UBE2W: variants seen among roughly 807,000 people sequenced by gnomAD.
The protein encoded by UBE2W is ubiquitin-conjugating enzyme E2 W.
In UBE2W, 18 loss-of-function variants were observed where a neutral mutation model predicts 27.2. That is an observed-to-expected ratio of 0.66 (90% confidence interval 0.46 to 0.98). The LOEUF (loss-of-function observed/expected upper bound fraction) is 0.98, where lower values mean the gene tolerates loss of function less well. UBE2W is among the 50% of genes least tolerant of loss of function. UBE2W has a pLI of 0.00. For synonymous variants in UBE2W, 53 were observed against 57.2 expected (o/e 0.93, Z 0.33); for missense variants, 90 against 180.2 (o/e 0.50, Z 2.87).
downstream of UBE2W, among the ~76,000 whole-genome samples, chr8:73,781,970 C>G (rs1807855279): frequency 7.2e-6 from 1 of 138,068 alleles, no homozygotes; most frequent in Non-Finnish European, 1.5e-5. Flanking sequence ...GAGACAGAGT[C>G]TCGCTCTGTC....
intron 1 of UBE2W, among the ~76,000 whole-genome samples, chr8:73,877,057 C>G (rs1398864402): frequency 6.6e-6 from 1 of 152,214 alleles, no homozygotes. Context: ...GATACTAAAT[C>G]TAACGAGATG....
chr8:73,789,113 G>C lies in UBE2W; in HGVS notation c.*4989C>G. 7.1e-6 allele frequency: 7 copies of C among 985,050 alleles called. No individual in the cohort carries two copies. Among genetic ancestry groups the C allele is most frequent in the Non-Finnish European group, 8.4e-6 (7 of 829,866 alleles). The allele number at this position is 985,050 out of a possible 1,614,324, so 61.0% of individuals were successfully genotyped here. On this transcript the variant is annotated 3_prime_UTR_variant, in exon 6 of 6. Transcript: ENST00000602593. ...TTCAACTTTCAGGATAGAGAGCTAA[G>C]TTTCAAGTACATGTCTAGATTCTAT... is the stretch of plus-strand genomic sequence containing the variant.
chr8:73,790,024 A>G lies in UBE2W; in HGVS notation c.*4078T>C, dbSNP rs1808126829. On this transcript the variant is annotated 3_prime_UTR_variant, in exon 6 of 6. Transcript: ENST00000602593. Reference sequence around the variant, plus strand: ...ACTAATTACAGCTAACAGCTCATTTACCAAGTAGTCAATTATTCAACAAAT... The same window carrying G: ...ACTAATTACAGCTAACAGCTCATTTGCCAAGTAGTCAATTATTCAACAAAT... The G allele has an allele frequency of 4.1e-6, 4 of 985,238 alleles. No homozygotes were observed. The African/African-American group carries it at 5.2e-5, about 13-fold the overall frequency. 61.0% of individuals were successfully genotyped at this position (985,238 alleles called of 1,614,324 possible). A position where few individuals can be genotyped will look rare whatever the true frequency, so the allele number is the denominator to read the frequency against.
intron 1 of UBE2W, among the ~76,000 whole-genome samples, chr8:73,856,602 G>A (rs549097613): frequency 9.2e-4 from 140 of 151,960 alleles, no homozygotes; most frequent in African/African-American, 3.2e-3. Context: ...TGATCTGCCC[G>A]CCCTGGCCTC....
At chr8:73,839,650 C>T (rs1376634754) in intron 1 of UBE2W, among the ~76,000 whole-genome samples, 1 of 150,792 alleles carries the variant, frequency 6.6e-6, no homozygotes, top group African/African-American at 2.5e-5. Flanking sequence ...GCACAAGACT[C>T]CATCTCAAAA....
chr8:73,861,620 T>C (rs1255872569), intron 1 of UBE2W, among the ~76,000 whole-genome samples: 1 of 152,190 alleles, frequency 6.6e-6, no homozygotes, highest in Non-Finnish European at 1.5e-5. Context: ...GATTACGTTT[T>C]AAATGAGATT....
At chr8:73,868,704 G>GAA (rs79830383) in intron 1 of UBE2W, among the ~76,000 whole-genome samples, 209 of 130,394 alleles carry the variant, frequency 1.6e-3, no homozygotes, top group African/African-American at 4.8e-3. Flanking sequence ...TGCTTGGTGT[G>GAA]AAAAAAAAAA....
chr8:73,854,132 G>C (rs1811190484), intron 1 of UBE2W, among the ~76,000 whole-genome samples: 4 of 152,072 alleles, frequency 2.6e-5, no homozygotes, highest in Admixed American at 2.6e-4. Context: ...ATGGGTGACA[G>C]CATGAAACTC....
chr8:73,872,670 A>G (rs977702517), intron 1 of UBE2W, among the ~76,000 whole-genome samples: 3 of 152,240 alleles, frequency 2.0e-5, no homozygotes, highest in African/African-American at 7.2e-5. Flanking sequence ...GTTTGGCATC[A>G]CAGAGAAATC....
At chr8:73,864,740 C>A (rs1811673570) in intron 1 of UBE2W, among the ~76,000 whole-genome samples, 1 of 55,430 alleles carries the variant, frequency 1.8e-5, no homozygotes, top group East Asian at 4.9e-4. Flanking sequence ...CCATGTCCAG[C>A]AAATTTTTTT....
chr8:73,839,347 T>A (rs1287930092), intron 1 of UBE2W, among the ~76,000 whole-genome samples: 1 of 131,710 alleles, frequency 7.6e-6, no homozygotes, highest in Non-Finnish European at 1.6e-5. Flanking sequence ...TGCTCCTAGT[T>A]AAAAAAAAAA....
chr8:73,844,818 G>A (rs1196063276), intron 1 of UBE2W, among the ~76,000 whole-genome samples: 1 of 150,050 alleles, frequency 6.7e-6, no homozygotes, highest in Non-Finnish European at 1.5e-5. Context: ...GGGAACTGAG[G>A]AGTGTCTCTG....
chr8:73,842,214 A>G (rs1003014471), intron 1 of UBE2W, among the ~76,000 whole-genome samples: 1 of 152,144 alleles, frequency 6.6e-6, no homozygotes, highest in African/African-American at 2.4e-5. Context: ...AGCATAGCAA[A>G]CTAAGACTAT....
At chr8:73,782,171 T>A (rs1315332765), downstream of UBE2W, among the ~76,000 whole-genome samples, 1 of 151,978 alleles carries the variant, frequency 6.6e-6, no homozygotes, top group African/African-American at 2.4e-5. Context: ...ATGGTCTCGA[T>A]CTCTTGACCT....
chr8:73,795,451 A>G (rs1808374201), intron 5 of UBE2W, among the ~76,000 whole-genome samples: 1 of 152,232 alleles, frequency 6.6e-6, no homozygotes, highest in Admixed American at 6.5e-5. Context: ...AGGCCTCACC[A>G]GAAGCAAATG....
intron 1 of UBE2W, among the ~76,000 whole-genome samples, chr8:73,849,340 C>T (rs1179322689): frequency 1.3e-5 from 2 of 151,494 alleles, no homozygotes; most frequent in Non-Finnish European, 2.9e-5. Context: ...TGTAAAACCC[C>T]GTCTCTACTA....
At chr8:73,784,449 G>C (rs1807899453), downstream of UBE2W, among the ~76,000 whole-genome samples, 1 of 152,160 alleles carries the variant, frequency 6.6e-6, no homozygotes, top group Admixed American at 6.5e-5. Context: ...AACCATATCA[G>C]ATCATGTCAA....
intron 1 of UBE2W, among the ~76,000 whole-genome samples, chr8:73,876,308 T>C (rs548865100): frequency 6.6e-6 from 1 of 152,076 alleles, no homozygotes; most frequent in Non-Finnish European, 1.5e-5. Flanking sequence ...GAGCCAAATG[T>C]TGCCATTAAG....
intron 1 of UBE2W, among the ~76,000 whole-genome samples, chr8:73,848,843 A>C (rs1390791156): frequency 6.6e-6 from 1 of 152,218 alleles, no homozygotes; most frequent in Non-Finnish European, 1.5e-5. Flanking sequence ...CACTTTGTGA[A>C]TATATGAACT....
Sources: gnomAD v4.1 joint callset for allele counts (sites outside exome capture counted in the v4.1 genomes callset) on GRCh38, gnomAD v4.1.1 for gene constraint, MANE v1.5 for transcripts, NCBI Gene and HGNC (gene_info 2026-07-23, HGNC 2026-07-21) for gene names.